Variants in PPP1R12B observed in about 807,000 individuals in gnomAD.
The protein encoded by PPP1R12B is protein phosphatase 1 regulatory subunit 12B.
PPP1R12B carries 76 observed loss-of-function variants against 126.1 expected under a neutral mutation model. The observed-to-expected ratio is 0.60, with a 90% CI of 0.50 to 0.73. The LOEUF is 0.73. Ranked by LOEUF, PPP1R12B falls within the 30% of genes least tolerant of loss-of-function variation. PPP1R12B has a pLI of 0.00. For missense variants in PPP1R12B, 1,052 were observed against 1,205.1 expected, an observed-to-expected ratio of 0.87 and a Z score of 1.88; for synonymous variants, 356 against 434.7, an observed-to-expected ratio of 0.82 and a Z score of 2.25.
chr1:202,540,167 G>T, intron 18 of PPP1R12B: 1 of 1,610,260 alleles, frequency 6.2e-7, no homozygotes, highest in South Asian at 1.1e-5. Context: ...CCGAAGTAAA[G>T]AATTCACTCG....
intron 18 of PPP1R12B, among the ~76,000 whole-genome samples, chr1:202,542,909 G>C (rs1685267767): frequency 6.6e-6 from 1 of 152,090 alleles, no homozygotes; most frequent in Non-Finnish European, 1.5e-5. Context: ...GTTTCTTCTA[G>C]AGATGGCACA....
At chr1:202,349,824 A>T (rs1558112061) in intron 1 of PPP1R12B, among the ~76,000 whole-genome samples, 1 of 150,448 alleles carries the variant, frequency 6.6e-6, no homozygotes, top group Non-Finnish European at 1.5e-5. Flanking sequence ...CTATTTTTCT[A>T]TTTTTTTTTC....
chr1:202,577,351 T>G (rs1689180613), intron 23 of PPP1R12B: 1 of 152,230 alleles, frequency 6.6e-6, no homozygotes, highest in Non-Finnish European at 1.5e-5. Context: ...TTATTGGAAC[T>G]GAACCAAACT....
rs1243686471 is a variant in PPP1R12B at position 202,440,724 on chromosome 1, T to C, written c.1477T>C (p.Tyr493His). Reference protein sequence around the residue: ...NKDKERENKSYISSLAPRKLN... With the variant: ...NKDKERENKSHISSLAPRKLN... ...TTTACAGGAGAGAGAAAACAAAAGC[T>C]ATATTAGTTCACTAGCACCCCGGAA... Residue 493 changes from tyrosine (Y) to histidine (H), a missense_variant, in exon 11 of 24, where the codon TAT becomes CAT. Transcript: ENST00000608999. 6.2e-7 allele frequency: 1 copy of C among 1,613,526 alleles called. No individual in the cohort carries two copies. The highest frequency in any genetic ancestry group is 1.1e-5 in the South Asian group (1 of 91,056).
chr1:202,538,400 T>C (rs1236362895), intron 18 of PPP1R12B, among the ~76,000 whole-genome samples: 1 of 152,248 alleles, frequency 6.6e-6, no homozygotes, highest in Non-Finnish European at 1.5e-5. Flanking sequence ...GGGGTTCTGA[T>C]TCATTCTCAA....
rs755849783 is a variant in PPP1R12B, at chr1:202,425,642, G to T, written c.618G>T (p.Gly206=). ...ATGCCCGCCAGTGGCTCAACAGTGG[G>T]AAAATAGAGGATGTGAGGCAGGCTC... The part of the protein sequence containing the change: ...LQDARQWLNS[G]KIEDVRQARS... Residue 206 remains glycine, a synonymous_variant, in exon 4 of 24, where the codon GGG becomes GGT. Transcript: ENST00000608999. 2.5e-6 allele frequency: 4 copies of T among 1,613,944 alleles called. No homozygotes were observed. The highest frequency in any genetic ancestry group is 3.4e-6 in the Non-Finnish European group (4 of 1,179,856).
At chr1:202,461,142 T>C (rs960779902) in intron 13 of PPP1R12B, among the ~76,000 whole-genome samples, 6 of 150,788 alleles carry the variant, frequency 4.0e-5, no homozygotes, top group African/African-American at 1.5e-4. Context: ...GATCACTTGA[T>C]GCCAGGAGCT....
intron 5 of PPP1R12B, among the ~76,000 whole-genome samples, chr1:202,427,630 G>A (rs1170669551): frequency 6.6e-6 from 1 of 151,972 alleles, no homozygotes; most frequent in Admixed American, 6.6e-5. Context: ...CTATCCCTAT[G>A]TCTACTGATT....
Position 202,349,159 on chromosome 1 carries a change from T to C in PPP1R12B, c.291+17T>C. On this transcript the variant is annotated intron_variant, in intron 1 of 23. Coordinates refer to ENST00000608999, the MANE Select transcript of PPP1R12B (RefSeq NM_002481.4). ...CTGCACCAGGTAACTCCTTTCTTGG[T>C]CTTAGAGGCGTCCAGTCTCCTACAG... The C allele has an allele frequency of 6.2e-7, 1 of 1,612,938 alleles. No individual in the cohort carries two copies.
intron 18 of PPP1R12B, among the ~76,000 whole-genome samples, chr1:202,557,610 G>A (rs1687092299): frequency 6.6e-6 from 1 of 152,126 alleles, no homozygotes; most frequent in African/African-American, 2.4e-5. Context: ...TAGTCCAGCG[G>A]TATTTAACCA....
Position 202,425,655 on chromosome 1 carries a change from G to C in PPP1R12B, c.631G>C (p.Val211Leu), listed in dbSNP as rs1256355870. 17 of 1,613,872 alleles carry C rather than the reference G, an allele frequency of 1.1e-5. No homozygotes were observed. The Admixed American group carries it at 2.8e-4, about 27-fold the overall frequency. Residue 211 changes from valine (V) to leucine (L), a missense_variant, in exon 4 of 24, where the codon GTG (valine) becomes CTG (leucine). Coordinates refer to ENST00000608999, the MANE Select transcript of PPP1R12B (RefSeq NM_002481.4). ...QWLNSGKIED[V>L]RQARSGATAL... Reference sequence around the variant, plus strand: ...GCTCAACAGTGGGAAAATAGAGGATGTGAGGCAGGCTCGCTCAGGGGCTAC... The same window carrying C: ...GCTCAACAGTGGGAAAATAGAGGATCTGAGGCAGGCTCGCTCAGGGGCTAC...
intron 18 of PPP1R12B, among the ~76,000 whole-genome samples, chr1:202,500,685 A>T (rs918304642): frequency 2.0e-5 from 3 of 152,182 alleles, no homozygotes; most frequent in African/African-American, 7.2e-5. Context: ...ATAGTTAATG[A>T]TAATTTATTG....
chr1:202,543,725 G>A (rs1397209109), intron 18 of PPP1R12B, among the ~76,000 whole-genome samples: 2 of 152,110 alleles, frequency 1.3e-5, no homozygotes, highest in African/African-American at 2.4e-5. Context: ...CAACAAGAGC[G>A]AAACTCCGTC....
At chr1:202,349,824 AT>A (rs200466411) in intron 1 of PPP1R12B, among the ~76,000 whole-genome samples, 24 of 150,446 alleles carry the variant, frequency 1.6e-4, no homozygotes, top group Admixed American at 5.3e-4. Context: ...CTATTTTTCT[AT>A]TTTTTTTTCT....
chr1:202,423,034 T>C (rs1205549496), intron 3 of PPP1R12B, among the ~76,000 whole-genome samples: 1 of 152,194 alleles, frequency 6.6e-6, no homozygotes, highest in Non-Finnish European at 1.5e-5. Context: ...CAGTACTGTG[T>C]GTATGCATGG....
At position 202,493,927 on chromosome 1, in the gene PPP1R12B, C is replaced by T. The variant is rs568431239; in HGVS notation, c.2145+610C>T. Among the ~76,000 whole-genome samples the T allele has an allele frequency of 6.9e-4, 105 of 152,192 alleles. 1 individual carries two copies. In the South Asian group the frequency reaches 0.018, roughly 26 times the overall value. ...TCTTGAGTGTCACTGTTGGGAGGGA[C>T]GTTTTGATTTATGTTTCATTTCTCT... On this transcript the variant is annotated intron_variant, in intron 15 of 23. Transcript: ENST00000608999.
rs1690149849 is a variant in PPP1R12B, at chr1:202,592,328, C to G, written c.*11768C>G. On this transcript the variant is annotated 3_prime_UTR_variant, in exon 24 of 24. Transcript: ENST00000608999. ...TCCTCCAGCATCTCCCAAGGCAGGG[C>G]TGGACTGGAGCAGGCACCGACTCCC... 1 of 152,708 alleles carries G rather than the reference C, an allele frequency of 6.5e-6. No homozygotes were observed. 9.5% of individuals were successfully genotyped at this position (152,708 alleles called of 1,614,324 possible). A position where few individuals can be genotyped will look rare whatever the true frequency, so the allele number is the denominator to read the frequency against.
chr1:202,385,864 G>A (rs1663028275), intron 1 of PPP1R12B, among the ~76,000 whole-genome samples: 1 of 151,980 alleles, frequency 6.6e-6, no homozygotes, highest in Non-Finnish European at 1.5e-5. Flanking sequence ...TGCAAGGGAT[G>A]AAGGGACAAT....
intron 22 of PPP1R12B, among the ~76,000 whole-genome samples, chr1:202,568,582 T>C (rs1042497839): frequency 2.6e-5 from 4 of 152,286 alleles, no homozygotes; most frequent in East Asian, 1.9e-4. Flanking sequence ...AAACTCCTCA[T>C]TGGGTTTAGG....
Sources: allele counts gnomAD v4.1 joint callset (sites outside exome capture counted in the v4.1 genomes callset), GRCh38; gene constraint gnomAD v4.1.1; transcripts MANE v1.5; gene names NCBI Gene and HGNC (gene_info 2026-07-23, HGNC 2026-07-21).